The following THSD7B variants were observed in gnomAD, a reference collection of about 807,000 sequenced individuals.
The protein encoded by THSD7B is thrombospondin type-1 domain-containing protein 7B.
THSD7B carries 138 observed loss-of-function variants against 213.6 expected under a neutral mutation model. The observed-to-expected ratio is 0.65, with a 90% confidence interval of 0.56 to 0.74. THSD7B has a LOEUF of 0.74. Among genes scored for constraint, THSD7B ranks in the 30% least tolerant of loss-of-function variants. The pLI is 0.00. For synonymous variants in THSD7B, 742 were observed against 687.0 expected, an observed-to-expected ratio of 1.08 and a Z score of -1.25; for missense variants, 1,931 against 1,991.5, an observed-to-expected ratio of 0.97 and a Z score of 0.58.
rs562102166 is a variant in THSD7B, at chr2:137,562,970, T to C, written c.3139-251T>C. Among the ~76,000 whole-genome samples, 9 of 152,220 alleles carry C rather than the reference T, an allele frequency of 5.9e-5. No individual in the cohort carries two copies. In the South Asian group the frequency reaches 1.9e-3, roughly 32 times the overall value. Reference sequence around the variant, plus strand: ...AATTCCTATTCTTGGCACTAGGAAATGACCGTCCTTTGTTCTCTTCTGTGA... The same window carrying C: ...AATTCCTATTCTTGGCACTAGGAAACGACCGTCCTTTGTTCTCTTCTGTGA... On this transcript the variant is annotated intron_variant, in intron 15 of 27. Transcript: ENST00000409968.
intron 1 of THSD7B, among the ~76,000 whole-genome samples, chr2:136,826,354 C>A (rs1348806515): frequency 9.9e-5 from 15 of 152,156 alleles, no homozygotes. Flanking sequence ...ACTGTAAGCA[C>A]CTTGAAGGAG....
intron 2 of THSD7B, among the ~76,000 whole-genome samples, chr2:136,952,690 T>C (rs1348062708): frequency 1.3e-5 from 2 of 152,166 alleles, no homozygotes; most frequent in Non-Finnish European, 2.9e-5. Flanking sequence ...AAATTTCTAT[T>C]GTGTTTTATG....
At chr2:136,940,807 A>G (rs1470753694) in intron 2 of THSD7B, among the ~76,000 whole-genome samples, 1 of 147,168 alleles carries the variant, frequency 6.8e-6, no homozygotes, top group African/African-American at 2.5e-5. Context: ...TGTTAAGGGT[A>G]GTTTTTTTGT....
At chr2:137,463,064 G>A (rs929081651) in intron 15 of THSD7B, among the ~76,000 whole-genome samples, 4 of 152,090 alleles carry the variant, frequency 2.6e-5, no homozygotes, top group Admixed American at 1.3e-4. Flanking sequence ...GGGGAAGGGG[G>A]CACAGTACAG....
At position 137,265,292 on chromosome 2, in the gene THSD7B, A is replaced by G. The variant is rs1359056852; in HGVS notation, c.2267-7241A>G. ...CCATCTCACACCAGTTAGAATGGCA[A>G]TCATTAAAAAGTCAGGAAACAACAG... is the stretch of plus-strand genomic sequence containing the variant. On this transcript the variant is annotated intron_variant, in intron 10 of 27. Coordinates refer to ENST00000409968, the MANE Select transcript of THSD7B (RefSeq NM_001316349.2). Among the ~76,000 whole-genome samples, 6 of 152,204 alleles carry G rather than the reference A, an allele frequency of 3.9e-5. 1 individual carries two copies. In the South Asian group the frequency reaches 1.0e-3, roughly 26 times the overall value.
chr2:137,500,679 AATGAT>A (rs1378585656), intron 15 of THSD7B, among the ~76,000 whole-genome samples: 3 of 152,224 alleles, frequency 2.0e-5, no homozygotes, highest in Non-Finnish European at 4.4e-5. Context: ...AATCAAATGA[AATGAT>A]ATGTGTGTAG....
intron 7 of THSD7B, among the ~76,000 whole-genome samples, chr2:137,191,988 C>T (rs1399978514): frequency 6.6e-6 from 1 of 152,044 alleles, no homozygotes. Context: ...ACAGATAGTG[C>T]TAAGATGAAT....
chr2:137,658,543 G>A (rs146274763), intron 24 of THSD7B, among the ~76,000 whole-genome samples: 221 of 152,156 alleles, frequency 1.5e-3, no homozygotes, highest in African/African-American at 5.0e-3. Context: ...ACTGAAGTAC[G>A]CCTGCTGTGG....
chr2:137,057,122 A>G lies in THSD7B; in HGVS notation c.842A>G (p.His281Arg). 6.2e-7 allele frequency: 1 copy of G among 1,614,016 alleles called. No individual in the cohort carries two copies. Among genetic ancestry groups the G allele is most frequent in the South Asian group, 1.1e-5 (1 of 91,084 alleles). The change falls in exon 3 of 28, where the codon CAT becomes CGT. Residue 281 changes from histidine to arginine, a missense_variant. Transcript: ENST00000409968. ...TCAAATGAGCGAGTCACCTTTAAACATCAAAGTTACAAAGCACATCATCAT... is the reference window on the plus strand; with the variant it reads ...TCAAATGAGCGAGTCACCTTTAAACGTCAAAGTTACAAAGCACATCATCAT... ...SDSNERVTFK[H>R]QSYKAHHHSK...
intron 2 of THSD7B, among the ~76,000 whole-genome samples, chr2:136,893,142 G>T (rs987754785): frequency 1.3e-5 from 2 of 152,100 alleles, no homozygotes; most frequent in African/African-American, 4.8e-5. Context: ...GAATATAATA[G>T]CATGTTGAAC....
At chr2:137,540,608 C>A (rs1644852868) in intron 15 of THSD7B, among the ~76,000 whole-genome samples, 1 of 151,620 alleles carries the variant, frequency 6.6e-6, no homozygotes, top group African/African-American at 2.4e-5. Flanking sequence ...CCAGTGTTTC[C>A]CTGGAACACC....
intron 4 of THSD7B, among the ~76,000 whole-genome samples, chr2:137,106,833 A>G (rs1688262695): frequency 1.3e-5 from 2 of 152,240 alleles, no homozygotes; most frequent in African/African-American, 2.4e-5. Flanking sequence ...AATGAAAACC[A>G]CAATGAGATA....
chr2:137,325,773 C>T (rs1308763311), intron 12 of THSD7B, among the ~76,000 whole-genome samples: 2 of 152,068 alleles, frequency 1.3e-5, no homozygotes, highest in Admixed American at 6.6e-5. Flanking sequence ...ATTTAAAATC[C>T]TGCTCAAATT....
Position 137,295,306 on chromosome 2 carries a change from C to G in THSD7B, c.2500+19280C>G, listed in dbSNP as rs548037325. 6.6e-5 allele frequency among the ~76,000 whole-genome samples: 10 copies of G among 152,232 alleles called. No homozygotes were observed. The East Asian group carries it at 1.9e-3, about 29-fold the overall frequency. On this transcript the variant is annotated intron_variant, in intron 12 of 27. Coordinates refer to ENST00000409968, the MANE Select transcript of THSD7B (RefSeq NM_001316349.2). Reference sequence around the variant, plus strand: ...AGTAGTACAGTGATACATGCTTAGTCTCTTCCTCTAAAATATATCTATTAC... The same window carrying G: ...AGTAGTACAGTGATACATGCTTAGTGTCTTCCTCTAAAATATATCTATTAC...
chr2:137,122,993 T>C (rs920386707), intron 5 of THSD7B, among the ~76,000 whole-genome samples: 1 of 152,164 alleles, frequency 6.6e-6, no homozygotes, highest in Admixed American at 6.5e-5. Flanking sequence ...ATCTGTGTTA[T>C]TTACTCTCAT....
chr2:137,422,799 A>G (rs982252428), intron 14 of THSD7B, among the ~76,000 whole-genome samples: 2 of 152,072 alleles, frequency 1.3e-5, no homozygotes, highest in Non-Finnish European at 2.9e-5. Flanking sequence ...ATGGTTTAAT[A>G]TACTCTATAT....
At chr2:136,943,393 C>T (rs559219509) in intron 2 of THSD7B, among the ~76,000 whole-genome samples, 15 of 152,276 alleles carry the variant, frequency 9.9e-5, no homozygotes, top group African/African-American at 3.6e-4. Flanking sequence ...TGGCTAGCCT[C>T]ATAAAATGAG....
chr2:137,219,539 A>C (rs552077223), intron 7 of THSD7B, among the ~76,000 whole-genome samples: 10 of 152,144 alleles, frequency 6.6e-5, no homozygotes, highest in Admixed American at 1.3e-4. Flanking sequence ...ACTTTATTCA[A>C]AGTCAAGCTT....
At chr2:136,791,485 T>C (rs1681963158) in intron 1 of THSD7B, among the ~76,000 whole-genome samples, 1 of 151,896 alleles carries the variant, frequency 6.6e-6, no homozygotes, top group Admixed American at 6.6e-5. Context: ...ATTTTCATCA[T>C]CCAAAAGGAA....
Sources: allele counts gnomAD v4.1 joint callset (sites outside exome capture counted in the v4.1 genomes callset), GRCh38; gene constraint gnomAD v4.1.1; transcripts MANE v1.5; gene names NCBI Gene and HGNC (gene_info 2026-07-23, HGNC 2026-07-21).